DCAF10: variants seen among roughly 807,000 people sequenced by gnomAD.
DCAF10 encodes the protein DDB1 and CUL4 associated factor 10.
DCAF10 carries 19 observed loss-of-function variants against 51.9 expected under a neutral mutation model. That is an observed-to-expected ratio of 0.37 (90% CI 0.26 to 0.54). The LOEUF is 0.54. Ranked by LOEUF, DCAF10 falls within the 20% of genes least tolerant of loss-of-function variation. The pLI is 0.87. For missense variants in DCAF10, 510 were observed against 730.6 expected (o/e 0.70, Z 3.48); for synonymous variants, 291 against 297.1 (o/e 0.98, Z 0.21).
chr9:37,808,695 TTATA>T (rs1427887283), intron 1 of DCAF10, among the ~76,000 whole-genome samples: 1 of 5,398 alleles, frequency 1.9e-4, no homozygotes, highest in African/African-American at 2.5e-4. Context: ...AAATATATAT[TTATA>T]TATTTATATT....
intron 3 of DCAF10, among the ~76,000 whole-genome samples, chr9:37,850,880 AT>A (rs1293919718): frequency 1.6e-3 from 154 of 95,156 alleles, no homozygotes; most frequent in East Asian, 0.013. Context: ...ATATATATAT[AT>A]AAATTAGCTT....
At position 37,863,958 on chromosome 9, in the gene DCAF10, T is replaced by C. The variant is rs527640601; in HGVS notation, c.*2450T>C. 1 of 152,292 alleles carries C rather than the reference T, an allele frequency of 6.6e-6. No individual in the cohort carries two copies. The highest frequency in any genetic ancestry group is 1.9e-4 in the East Asian group (1 of 5,190). The allele number at this position is 152,292 out of a possible 1,614,324, so 9.4% of individuals were successfully genotyped here. On this transcript the variant is annotated 3_prime_UTR_variant, in exon 7 of 7. Coordinates refer to ENST00000377724, the MANE Select transcript of DCAF10 (RefSeq NM_024345.5). ...TATCACAAAGCACAGTAAATACATA[T>C]ACTTACCATACATTTTGTAAAAAAC... is the stretch of plus-strand genomic sequence containing the variant.
intron 3 of DCAF10, among the ~76,000 whole-genome samples, chr9:37,850,881 T>TATATATATATAA (rs1554689977): frequency 3.8e-5 from 4 of 103,950 alleles, no homozygotes; most frequent in Non-Finnish European, 5.8e-5. Flanking sequence ...TATATATATA[T>TATATATATATAA]AAATTAGCTT....
intron 4 of DCAF10, 24 bp from the exon 5 acceptor site, chr9:37,857,217 G>T: frequency 6.5e-7 from 1 of 1,540,346 alleles, no homozygotes. Context: ...TAGGTTTATT[G>T]TCAGAATTTT....
At chr9:37,837,387 A>G (rs1260714518) in intron 2 of DCAF10, among the ~76,000 whole-genome samples, 1 of 150,214 alleles carries the variant, frequency 6.7e-6, no homozygotes, top group East Asian at 2.0e-4. Flanking sequence ...TGAACCTGGG[A>G]GATGGAGGGT....
intron 3 of DCAF10, among the ~76,000 whole-genome samples, chr9:37,852,597 C>A (rs1013962970): frequency 1.4e-5 from 2 of 144,314 alleles, no homozygotes; most frequent in African/African-American, 5.4e-5. Context: ...GACCCAGTCT[C>A]TTAAAAGAGT....
rs1305695045 is a variant in DCAF10 at position 37,857,354 on chromosome 9, A to G, written c.1165+3A>G. The G allele has an allele frequency of 1.9e-6, 3 of 1,590,298 alleles. No homozygotes were observed. The African/African-American group carries it at 4.1e-5, about 22-fold the overall frequency. ...GTCACGAGCCTCTCAAAGAGAAGGT[A>G]GGTTAAAAGTTGGATTTTATAATCT... On this transcript the variant is annotated splice_donor_region_variant and intron_variant, in intron 5 of 6. Transcript: ENST00000377724.
chr9:37,804,475 TA>T (rs745587918), intron 1 of DCAF10, among the ~76,000 whole-genome samples: 1 of 151,954 alleles, frequency 6.6e-6, no homozygotes, highest in African/African-American at 2.4e-5. Context: ...TATAAAATCT[TA>T]AAAGACAGAG....
At chr9:37,821,929 C>T (rs1278644142) in intron 2 of DCAF10, among the ~76,000 whole-genome samples, 1 of 151,858 alleles carries the variant, frequency 6.6e-6, no homozygotes, top group Non-Finnish European at 1.5e-5. Flanking sequence ...AAACAACAAT[C>T]AATCCCATTA....
chr9:37,848,602 A>G (rs6476662), intron 3 of DCAF10, among the ~76,000 whole-genome samples: 1 of 152,146 alleles, frequency 6.6e-6, no homozygotes, highest in Non-Finnish European at 1.5e-5. Flanking sequence ...GGCAGGAGGA[A>G]TCTCTTAAGG....
Position 37,829,922 on chromosome 9 carries a change from G to A in DCAF10, c.653+10521G>A, listed in dbSNP as rs574983092. ...CTTAGAAAGCTTAGGAGGAATGCTT[G>A]AGCCCAGGAGTTTGAGGCTGCAGGG... On this transcript the variant is annotated intron_variant, in intron 2 of 6. Coordinates refer to ENST00000377724, the MANE Select transcript of DCAF10 (RefSeq NM_024345.5). This position sits in a 1 kb window ranked among gnomAD's most constrained non-coding sequence, Gnocchi z 4.2. 1.4e-4 allele frequency among the ~76,000 whole-genome samples: 22 copies of A among 152,186 alleles called. No individual in the cohort carries two copies. The highest frequency in any genetic ancestry group is 3.1e-4 in the Non-Finnish European group (21 of 68,036).
chr9:37,850,307 A>G (rs1289321885), intron 3 of DCAF10, among the ~76,000 whole-genome samples: 1 of 152,204 alleles, frequency 6.6e-6, no homozygotes, highest in Non-Finnish European at 1.5e-5. Flanking sequence ...TTAAATCACT[A>G]TGTCAAAAAG....
At chr9:37,837,897 G>A (rs967970952) in intron 2 of DCAF10, among the ~76,000 whole-genome samples, 49 of 151,890 alleles carry the variant, frequency 3.2e-4, no homozygotes, top group Non-Finnish European at 5.3e-4. Context: ...GGTGGCATGT[G>A]CCCATAGTCC....
intron 2 of DCAF10, chr9:37,835,942 C>G (rs1425975531): frequency 9.6e-7 from 1 of 1,041,878 alleles, no homozygotes; most frequent in Non-Finnish European, 1.5e-6. Context: ...AAGAAAGCCA[C>G]CATTTTTGGC....
intron 1 of DCAF10, among the ~76,000 whole-genome samples, chr9:37,809,610 G>A (rs1002349344): frequency 2.0e-5 from 3 of 152,184 alleles, no homozygotes; most frequent in African/African-American, 7.2e-5. Context: ...GAGGCGGGTG[G>A]ATCACCTGAG....
intron 5 of DCAF10, among the ~76,000 whole-genome samples, chr9:37,859,803 G>C (rs1456482639): frequency 6.6e-6 from 1 of 152,150 alleles, no homozygotes; most frequent in African/African-American, 2.4e-5. Flanking sequence ...CCTTAGGTCA[G>C]TGACAATTAC....
intron 1 of DCAF10, among the ~76,000 whole-genome samples, chr9:37,818,568 T>A (rs1482398539): frequency 6.6e-6 from 1 of 152,072 alleles, no homozygotes; most frequent in Admixed American, 6.6e-5. Context: ...AACTTTGCAG[T>A]GGGGAAGGCC....
intron 3 of DCAF10, among the ~76,000 whole-genome samples, chr9:37,852,681 C>T (rs190300655): frequency 2.0e-5 from 3 of 151,976 alleles, no homozygotes; most frequent in East Asian, 1.9e-4. Flanking sequence ...TAGGCCAAGG[C>T]GGTGGATCAC....
At chr9:37,807,225 T>G (rs1317279297) in intron 1 of DCAF10, among the ~76,000 whole-genome samples, 3 of 152,344 alleles carry the variant, frequency 2.0e-5, no homozygotes, top group African/African-American at 7.2e-5. Flanking sequence ...CTCATGCCTA[T>G]AATCCTAGCA....
Sources: gnomAD v4.1 joint callset for allele counts (sites outside exome capture counted in the v4.1 genomes callset) on GRCh38, gnomAD v4.1.1 for gene constraint, Gnocchi (gnomAD v3.1) non-coding constraint, MANE v1.5 for transcripts, NCBI Gene and HGNC (gene_info 2026-07-23, HGNC 2026-07-21) for gene names.